LMNTD1: variants seen among roughly 807,000 people sequenced by gnomAD.
LMNTD1 encodes the protein lamin tail domain-containing protein 1.
A neutral mutation model predicts 50.9 loss-of-function variants in LMNTD1; 35 were observed. The ratio of observed to expected loss-of-function variants is 0.69; its 90% CI spans 0.53 to 0.91. The LOEUF is 0.91. Among genes scored for constraint, LMNTD1 ranks in the 40% least tolerant of loss-of-function variants. LMNTD1 has a pLI of 0.00. For missense variants in LMNTD1, 470 were observed against 475.5 expected (o/e 0.99, Z 0.11); for synonymous variants, 153 against 161.9 (o/e 0.94, Z 0.42).
chr12:25,478,031 C>T (rs1405666466), intron 9 of LMNTD1, among the ~76,000 whole-genome samples: 2 of 152,056 alleles, frequency 1.3e-5, no homozygotes, highest in Non-Finnish European at 2.9e-5. Context: ...ATTTTTCTGC[C>T]TGCTTATATT....
At chr12:25,567,818 T>A (rs1386429896) in intron 1 of LMNTD1, among the ~76,000 whole-genome samples, 1 of 146,734 alleles carries the variant, frequency 6.8e-6, no homozygotes, top group Non-Finnish European at 1.5e-5. Context: ...GGCTGCAGAA[T>A]TGTGAGCCAA....
chr12:25,506,684 C>T (rs781238446), intron 8 of LMNTD1, among the ~76,000 whole-genome samples: 1 of 150,634 alleles, frequency 6.6e-6, no homozygotes, highest in Non-Finnish European at 1.5e-5. Flanking sequence ...GTACTCAGGG[C>T]CTTGCCTTTG....
Position 25,619,252 on chromosome 12 carries a change from C to CTCTCTCTA in LMNTD1, c.58+29241_58+29242insTAGAGAGA, listed in dbSNP as rs1374134268. 1.1e-3 allele frequency among the ~76,000 whole-genome samples: 96 copies of CTCTCTCTA among 84,398 alleles called. No individual in the cohort carries two copies. The East Asian group carries it at 0.015, about 13-fold the overall frequency. 55.4% of individuals were successfully genotyped at this position (84,398 alleles called of 152,430 possible). Reference sequence around the variant, plus strand: ...TCTCTCTCTCTCTCTCTCTCTCTCTCTATATATATATATATATATATATAT... The same window carrying CTCTCTCTA: ...TCTCTCTCTCTCTCTCTCTCTCTCTCTCTCTCTATATATATATATATATATATATATAT... On this transcript the variant is annotated intron_variant, in intron 1 of 7. Coordinates refer to the LMNTD1 transcript ENST00000445693.
intron 6 of LMNTD1, among the ~76,000 whole-genome samples, chr12:25,522,010 C>T (rs1026870611): frequency 1.3e-5 from 2 of 152,154 alleles, no homozygotes; most frequent in African/African-American, 4.8e-5. Flanking sequence ...TTCTAGTGAT[C>T]TGTTTTTAGT....
Position 25,580,492 on chromosome 12 carries a change from G to A in LMNTD1, c.59-33938C>T, listed in dbSNP as rs148891840. On this transcript the variant is annotated intron_variant, in intron 1 of 7. Coordinates refer to the LMNTD1 transcript ENST00000445693. The stretch of plus-strand genomic sequence containing the variant: ...ATGATGCTACGAGATTAAGGGCAAG[G>A]GCTGTGCTTTATTCATCCTATTTCC... Among the ~76,000 whole-genome samples, 959 of 152,002 alleles carry A rather than the reference G, an allele frequency of 6.3e-3. 14 individuals carry two copies. The highest frequency in any genetic ancestry group is 0.022 in the African/African-American group (911 of 41,442).
chr12:25,567,094 G>T (rs999541162), intron 1 of LMNTD1, among the ~76,000 whole-genome samples: 1 of 152,158 alleles, frequency 6.6e-6, no homozygotes, highest in Non-Finnish European at 1.5e-5. Flanking sequence ...GTGACGCTGG[G>T]TTGTTTGTTT....
rs892178877 is a variant in LMNTD1 at position 25,636,710 on chromosome 12, T to C, written c.58+11784A>G. 7.2e-5 allele frequency among the ~76,000 whole-genome samples: 11 copies of C among 152,218 alleles called. No individual in the cohort carries two copies. In the South Asian group the frequency reaches 1.2e-3, roughly 17 times the overall value. ...ATGTTAATAGCAGCACAATTCACAATTGCAAAATCGTGGAACCAACTCAAA... is the reference window on the plus strand; with the variant it reads ...ATGTTAATAGCAGCACAATTCACAACTGCAAAATCGTGGAACCAACTCAAA... On this transcript the variant is annotated intron_variant, in intron 1 of 7. Coordinates refer to the LMNTD1 transcript ENST00000445693.
chr12:25,594,910 C>A (rs1172526652), intron 1 of LMNTD1, among the ~76,000 whole-genome samples: 1 of 151,984 alleles, frequency 6.6e-6, no homozygotes, highest in East Asian at 1.9e-4. Flanking sequence ...AAATAGACAC[C>A]AAAAGCCAGC....
intron 1 of LMNTD1, among the ~76,000 whole-genome samples, chr12:25,597,233 A>C (rs1945861421): frequency 6.6e-6 from 1 of 152,068 alleles, no homozygotes; most frequent in Admixed American, 6.6e-5. Flanking sequence ...TAAACTCTCC[A>C]ATCGAAAGAC....
At chr12:25,514,301 C>G (rs971435257) in intron 8 of LMNTD1, among the ~76,000 whole-genome samples, 2 of 152,036 alleles carry the variant, frequency 1.3e-5, no homozygotes, top group Non-Finnish European at 2.9e-5. Context: ...AAATGGTTTT[C>G]CATATCGAAG....
chr12:25,522,650 T>C (rs1295210665), intron 6 of LMNTD1, among the ~76,000 whole-genome samples: 1 of 152,192 alleles, frequency 6.6e-6, no homozygotes, highest in African/African-American at 2.4e-5. Context: ...GTTCCTATTG[T>C]ATAGGACTGG....
intron 1 of LMNTD1, among the ~76,000 whole-genome samples, chr12:25,593,588 CA>C (rs1182939143): frequency 1.3e-5 from 2 of 152,120 alleles, no homozygotes; most frequent in African/African-American, 4.8e-5. Context: ...CCCAAAGACA[CA>C]GCCTACCCAA....
intron 8 of LMNTD1, among the ~76,000 whole-genome samples, chr12:25,513,979 C>A (rs951155895): frequency 2.0e-5 from 3 of 152,136 alleles, no homozygotes; most frequent in Admixed American, 2.0e-4. Flanking sequence ...TATCAACTCT[C>A]AACATGACCT....
At chr12:25,510,123 T>C (rs1940150062) in intron 8 of LMNTD1, among the ~76,000 whole-genome samples, 1 of 152,184 alleles carries the variant, frequency 6.6e-6, no homozygotes, top group African/African-American at 2.4e-5. Flanking sequence ...TGTTCATGTT[T>C]TGATTGTTTC....
At chr12:25,605,584 A>G (rs1946080468) in intron 1 of LMNTD1, among the ~76,000 whole-genome samples, 1 of 152,174 alleles carries the variant, frequency 6.6e-6, no homozygotes, top group East Asian at 1.9e-4. Flanking sequence ...TCCCAGCACC[A>G]TTTATTAAAT....
At chr12:25,571,056 C>T (rs950408127) in intron 1 of LMNTD1, among the ~76,000 whole-genome samples, 6 of 152,180 alleles carry the variant, frequency 3.9e-5, no homozygotes, top group African/African-American at 1.2e-4. Context: ...GAGCCCCATG[C>T]TTGGTTTAAT....
At chr12:25,576,015 G>T (rs566183422) in intron 1 of LMNTD1, among the ~76,000 whole-genome samples, 87 of 152,272 alleles carry the variant, frequency 5.7e-4, no homozygotes, top group African/African-American at 1.8e-3. Flanking sequence ...ACAAAGGGCA[G>T]GAACTCATCC....
upstream of LMNTD1, among the ~76,000 whole-genome samples, chr12:25,555,497 G>C (rs978599467): frequency 7.2e-5 from 11 of 152,272 alleles, no homozygotes; most frequent in African/African-American, 2.6e-4. Context: ...GCAAACTGTA[G>C]AAATTTATAA....
At chr12:25,553,924 TACCATGA>T (rs1943918807), upstream of LMNTD1, among the ~76,000 whole-genome samples, 1 of 151,504 alleles carries the variant, frequency 6.6e-6, no homozygotes, top group South Asian at 2.1e-4. Context: ...ACTGGCTAGG[TACCATGA>T]ATAAACAATA....
Sources: allele counts gnomAD v4.1 joint callset (sites outside exome capture counted in the v4.1 genomes callset), GRCh38; gene constraint gnomAD v4.1.1; transcripts MANE v1.5; gene names NCBI Gene and HGNC (gene_info 2026-07-23, HGNC 2026-07-21).